Variants in KIAA1217 observed in about 807,000 individuals in gnomAD.
KIAA1217 encodes KIAA1217.
KIAA1217 carries 88 observed loss-of-function variants against 163.9 expected under a neutral mutation model. The ratio of observed to expected loss-of-function variants is 0.54; its 90% CI spans 0.45 to 0.64. The LOEUF (loss-of-function observed/expected upper bound fraction) is 0.64. Among genes scored for constraint, KIAA1217 ranks in the 30% least tolerant of loss-of-function variants. The pLI is 0.00. For synonymous variants in KIAA1217, 903 were observed against 923.1 expected, an observed-to-expected ratio of 0.98 and a Z score of 0.39; for missense variants, 2,372 against 2,475.0, an observed-to-expected ratio of 0.96 and a Z score of 0.88.
At chr10:23,879,947 G>A (rs1419508357) in intron 1 of KIAA1217, among the ~76,000 whole-genome samples, 1 of 151,834 alleles carries the variant, frequency 6.6e-6, no homozygotes, top group African/African-American at 2.4e-5. Flanking sequence ...CCACATAACA[G>A]GAAGGAAGGT....
intron 1 of KIAA1217, among the ~76,000 whole-genome samples, chr10:23,891,773 T>C (rs896108426): frequency 6.6e-6 from 1 of 151,962 alleles, no homozygotes; most frequent in African/African-American, 2.4e-5. Context: ...TTGTACTTCT[T>C]AGTTTAAAAA....
intron 3 of KIAA1217, among the ~76,000 whole-genome samples, chr10:24,416,954 C>A (rs2058301128): frequency 6.6e-6 from 1 of 152,154 alleles, no homozygotes; most frequent in South Asian, 2.1e-4. Flanking sequence ...CACAGTTTGA[C>A]CCTTATTCCT....
Position 23,936,546 on chromosome 10 carries a change from A to G in KIAA1217, c.-320-70679A>G, listed in dbSNP as rs925473106. The stretch of plus-strand genomic sequence containing the variant: ...CAAAGGGAGATTCAGACACAAAGAC[A>G]CAGAGGATACACACAGAGAAGAAGG... On this transcript the variant is annotated intron_variant, in intron 1 of 18. Transcript: ENST00000376462. 1.5e-4 allele frequency among the ~76,000 whole-genome samples: 23 copies of G among 152,316 alleles called. No individual in the cohort carries two copies. In the East Asian group the frequency reaches 3.5e-3, roughly 23 times the overall value.
chr10:24,544,562 G>C (rs565220806), intron 19 of KIAA1217, 81 bp downstream of exon 19: 8 of 1,461,470 alleles, frequency 5.5e-6, no homozygotes, highest in African/African-American at 1.4e-5. Flanking sequence ...AAGGTGTCTT[G>C]TAACTTAATT....
intron 1 of KIAA1217, among the ~76,000 whole-genome samples, chr10:23,830,422 G>A (rs1838124308): frequency 6.6e-6 from 1 of 152,138 alleles, no homozygotes; most frequent in Non-Finnish European, 1.5e-5. Flanking sequence ...AGGGCTCTCT[G>A]AGAAGAATTT....
At chr10:24,404,959 A>G (rs1341228802) in intron 3 of KIAA1217, among the ~76,000 whole-genome samples, 1 of 152,238 alleles carries the variant, frequency 6.6e-6, no homozygotes, top group Non-Finnish European at 1.5e-5. Flanking sequence ...GGATTAGTAG[A>G]TGCCAGGGAC....
intron 1 of KIAA1217, among the ~76,000 whole-genome samples, chr10:23,880,635 G>A (rs1840908552): frequency 6.6e-6 from 1 of 151,934 alleles, no homozygotes; most frequent in African/African-American, 2.4e-5. Flanking sequence ...AAGGATAAAT[G>A]CTTAAGGGGA....
chr10:23,985,681 A>G (rs1845943352), intron 1 of KIAA1217, among the ~76,000 whole-genome samples: 1 of 152,194 alleles, frequency 6.6e-6, no homozygotes, highest in Admixed American at 6.5e-5. Context: ...CAAAATCTCA[A>G]TGGCTGAAAC....
At chr10:24,507,567 A>G (rs2068533738) in intron 9 of KIAA1217, among the ~76,000 whole-genome samples, 1 of 152,224 alleles carries the variant, frequency 6.6e-6, no homozygotes, top group African/African-American at 2.4e-5. Flanking sequence ...CACCCTAAAA[A>G]CAGCAATGGA....
rs562845414 is a variant in KIAA1217 at position 23,719,583 on chromosome 10, A to AAAAT, written c.-321+24373_-321+24376dup. Among the ~76,000 whole-genome samples the AAAAT allele has an allele frequency of 3.4e-3, 512 of 148,498 alleles. 4 individuals are homozygous for AAAAT. The highest frequency in any genetic ancestry group is 7.8e-3 in the Middle Eastern group (2 of 258). ...GTGACAAAGCGAGACCCCCTTCTCAAAAATAAATAAATAAATAAATAAATA... is the reference window on the plus strand; with the variant it reads ...GTGACAAAGCGAGACCCCCTTCTCAAAAATAAATAAATAAATAAATAAATAAATA... On this transcript the variant is annotated intron_variant, in intron 1 of 18. Transcript: ENST00000376462.
intron 5 of KIAA1217, among the ~76,000 whole-genome samples, chr10:24,469,814 G>C (rs967839876): frequency 6.6e-6 from 1 of 152,126 alleles, no homozygotes; most frequent in Non-Finnish European, 1.5e-5. Flanking sequence ...GTTTTGCCAC[G>C]TTGGCCAGGC....
chr10:23,760,852 A>G (rs1190301536), intron 1 of KIAA1217, among the ~76,000 whole-genome samples: 1 of 152,202 alleles, frequency 6.6e-6, no homozygotes, highest in Non-Finnish European at 1.5e-5. Context: ...AGTCAGTGAA[A>G]AAAAGAAAAG....
At chr10:24,260,061 T>G (rs2131689605) in intron 2 of KIAA1217, among the ~76,000 whole-genome samples, 1 of 152,296 alleles carries the variant, frequency 6.6e-6, no homozygotes, top group Middle Eastern at 3.4e-3. Flanking sequence ...TTATGCTTGT[T>G]TTTCTCTGTA....
intron 2 of KIAA1217, among the ~76,000 whole-genome samples, chr10:24,162,483 C>G (rs1480559651): frequency 6.6e-6 from 1 of 152,170 alleles, no homozygotes; most frequent in Non-Finnish European, 1.5e-5. Context: ...CAGGCAGGCC[C>G]TGGAGCAAGC....
chr10:24,366,285 A>G (rs2050771770), intron 2 of KIAA1217, among the ~76,000 whole-genome samples: 1 of 152,004 alleles, frequency 6.6e-6, no homozygotes, highest in South Asian at 2.1e-4. Flanking sequence ...TCTCTACTAA[A>G]TATACAAAAA....
chr10:23,733,537 T>G (rs1838602006), intron 1 of KIAA1217, among the ~76,000 whole-genome samples: 1 of 152,222 alleles, frequency 6.6e-6, no homozygotes, highest in East Asian at 1.9e-4. Context: ...TTTAGATTAC[T>G]TATAATACCT....
chr10:23,752,737 G>A (rs77004272), intron 1 of KIAA1217, among the ~76,000 whole-genome samples: 1 of 152,236 alleles, frequency 6.6e-6, no homozygotes, highest in East Asian at 1.9e-4. Context: ...TAAGCATAAA[G>A]GAATGATATT....
chr10:23,987,523 A>C (rs1846032652), intron 1 of KIAA1217, among the ~76,000 whole-genome samples: 1 of 151,966 alleles, frequency 6.6e-6, no homozygotes, highest in Admixed American at 6.6e-5. Context: ...CATATTTATC[A>C]TGTACAACTT....
chr10:24,005,615 G>A (rs376359905), intron 1 of KIAA1217, among the ~76,000 whole-genome samples: 6 of 152,180 alleles, frequency 3.9e-5, no homozygotes, highest in African/African-American at 7.2e-5. Context: ...AGTAATGTGT[G>A]AGATCACTTC....
Sources: gnomAD v4.1 joint callset for allele counts (sites outside exome capture counted in the v4.1 genomes callset) on GRCh38, gnomAD v4.1.1 for gene constraint, MANE v1.5 for transcripts, NCBI Gene and HGNC (gene_info 2026-07-23, HGNC 2026-07-21) for gene names.